The following HAS3 variants were observed in gnomAD, a reference collection of about 807,000 sequenced individuals.
HAS3 encodes hyaluronan synthase 3.
In HAS3, 27 loss-of-function variants were observed where a neutral mutation model predicts 50.3. The observed-to-expected ratio is 0.54, with a 90% CI of 0.40 to 0.74. HAS3 has a LOEUF of 0.74. HAS3 is among the 30% of genes least tolerant of loss of function. HAS3 has a pLI of 0.00. For synonymous variants in HAS3, 339 were observed against 310.9 expected, an observed-to-expected ratio of 1.09 and a Z score of -0.95; for missense variants, 517 against 742.8, an observed-to-expected ratio of 0.70 and a Z score of 3.53.
chr16:69,104,992 G>GTTTTTTTTTTT (rs565397720), upstream of HAS3, among the ~76,000 whole-genome samples: 66 of 81,978 alleles, frequency 8.1e-4, 11 homozygotes, highest in East Asian at 3.7e-3. Flanking sequence ...CTGTTTTTTG[G>GTTTTTTTTTTT]TTTTTTTTTT....
chr16:69,094,481 C>G, the HAS3 span, among the ~76,000 whole-genome samples: 1 of 152,070 alleles, frequency 6.6e-6, no homozygotes, highest in Non-Finnish European at 1.5e-5. Context: ...TTTCAGAGAC[C>G]TGAGGTTTTT....
At chr16:69,083,647 A>G in the HAS3 span, 12 of 1,561,068 alleles carry the variant, frequency 7.7e-6, no homozygotes, top group Non-Finnish European at 1.0e-5. Flanking sequence ...GAAGAAGATC[A>G]TGGTCCTGCC....
In HAS3 at chr16:69,115,018, A is replaced by G; in HGVS notation, c.1414A>G (p.Lys472Glu). Residue 472 changes from lysine to glutamate, a missense_variant, in exon 4 of 4, where the codon AAA (lysine) becomes GAA (glutamate). Lys to Glu is a moderately conservative substitution (Grantham distance 56). Transcript: ENST00000569188. ...NKSGWGTSGR[K>E]TIVVNFIGLI... ...ATCTGGCTGGGGCACCTCTGGCCGAAAAACCATTGTGGTGAACTTCATTGG... is the reference window on the plus strand; with the variant it reads ...ATCTGGCTGGGGCACCTCTGGCCGAGAAACCATTGTGGTGAACTTCATTGG... 1 of 1,614,182 alleles carries G rather than the reference A, an allele frequency of 6.2e-7. No homozygotes were observed. Among genetic ancestry groups the G allele is most frequent in the East Asian group, 2.2e-5 (1 of 44,876 alleles).
chr16:69,112,883 C>G (rs1457252259), intron 2 of HAS3, among the ~76,000 whole-genome samples: 5 of 152,178 alleles, frequency 3.3e-5, no homozygotes, highest in Non-Finnish European at 1.5e-5. Flanking sequence ...TGCCCTGGTC[C>G]GAGAGGCTCG....
upstream of HAS3, among the ~76,000 whole-genome samples, chr16:69,105,384 C>T (rs2152253572): frequency 6.6e-6 from 1 of 152,060 alleles, no homozygotes; most frequent in South Asian, 2.1e-4. Flanking sequence ...TCACTTTACT[C>T]GAGTCTAGCA....
chr16:69,110,002 G>A lies in HAS3; in HGVS notation c.607G>A (p.Ala203Thr), dbSNP rs1960943535. The change falls in exon 2 of 4, where the codon GCC becomes ACC. Residue 203 changes from alanine to threonine, a missense_variant. Ala to Thr is a moderately conservative substitution (Grantham distance 58). Coordinates refer to ENST00000569188, the MANE Select transcript of HAS3 (RefSeq NM_001199280.2). The part of the protein sequence containing the change: ...KREVMYTAFK[A>T]LGDSVDYIQV... ...CGAGGTCATGTACACGGCCTTCAAG[G>A]CCCTCGGCGATTCGGTGGACTACAT... is the stretch of plus-strand genomic sequence containing the variant. 1 of 1,609,352 alleles carries A rather than the reference G, an allele frequency of 6.2e-7. No individual in the cohort carries two copies. The highest frequency in any genetic ancestry group is 1.3e-5 in the African/African-American group (1 of 74,852).
At chr16:69,110,100 A>G in intron 2 of HAS3, 69 bp downstream of exon 2, 1 of 1,460,174 alleles carries the variant, frequency 6.8e-7, no homozygotes, top group South Asian at 1.3e-5. Flanking sequence ...ACTCTCCGCC[A>G]AGAATCTGAG....
At chr16:69,093,692 G>A in the HAS3 span, among the ~76,000 whole-genome samples, 43 of 151,192 alleles carry the variant, frequency 2.8e-4, no homozygotes, top group Admixed American at 2.4e-3. Context: ...CACCACACCC[G>A]GCTAATTTTG....
intron 2 of HAS3, among the ~76,000 whole-genome samples, chr16:69,111,565 T>C (rs1039103882): frequency 1.3e-5 from 2 of 152,250 alleles, no homozygotes; most frequent in African/African-American, 4.8e-5. Flanking sequence ...GATTTTTCTC[T>C]GGTGTACACA....
rs568459345 is a variant in HAS3, at chr16:69,112,047, C to T, written c.637-1394C>T. 3.3e-4 allele frequency among the ~76,000 whole-genome samples: 50 copies of T among 152,358 alleles called. 1 individual carries two copies. In the South Asian group the frequency reaches 0.01, roughly 31 times the overall value. On this transcript the variant is annotated intron_variant, in intron 2 of 3. Coordinates refer to ENST00000569188, the MANE Select transcript of HAS3 (RefSeq NM_001199280.2). ...TTCTAACCGCCTGCTGCGGAGGTAT[C>T]TCTCCCTCCTAGGCAGAACTCTGCC...
At chr16:69,110,759 C>A (rs1960973873) in intron 2 of HAS3, among the ~76,000 whole-genome samples, 1 of 152,174 alleles carries the variant, frequency 6.6e-6, no homozygotes, top group Non-Finnish European at 1.5e-5. Context: ...TCTTCTCTTA[C>A]CTGTGATGCA....
At chr16:69,083,573 A>G in the HAS3 span, 1 of 1,606,816 alleles carries the variant, frequency 6.2e-7, no homozygotes, top group South Asian at 1.1e-5. Context: ...CTCCATGCCC[A>G]GTTGGCCCTA....
Position 69,113,483 on chromosome 16 carries a change from G to T in HAS3, c.679G>T (p.Glu227Ter). The change falls in exon 3 of 4, where the codon GAG (glutamate) becomes TAG (stop). Residue 227 changes from glutamate (E) to a stop codon, truncating the protein, a stop_gained. Transcript: ENST00000569188. LOFTEE classifies it high-confidence loss of function. ...DTVLDPACTIEMLRVLEEDPQ... is the reference protein window; with the variant it reads ...DTVLDPACTI Reference sequence around the variant, plus strand: ...TGTGCTGGATCCAGCCTGCACCATCGAGATGCTTCGAGTCCTGGAGGAGGA... The same window carrying T: ...TGTGCTGGATCCAGCCTGCACCATCTAGATGCTTCGAGTCCTGGAGGAGGA... The T allele has an allele frequency of 6.2e-7, 1 of 1,613,834 alleles. No homozygotes were observed. The highest frequency in any genetic ancestry group is 8.5e-7 in the Non-Finnish European group (1 of 1,179,846).
the HAS3 span, among the ~76,000 whole-genome samples, chr16:69,086,169 A>AT: frequency 4.0e-5 from 6 of 148,396 alleles, no homozygotes; most frequent in Admixed American, 1.3e-4. Context: ...TGCCTGGCCA[A>AT]TTTTTTTTTC....
chr16:69,115,972 A>G lies in HAS3; in HGVS notation c.*706A>G. The G allele has an allele frequency of 1.0e-6, 1 of 985,890 alleles. No individual in the cohort carries two copies. The highest frequency in any genetic ancestry group is 1.2e-6 in the Non-Finnish European group (1 of 829,944). The allele number at this position is 985,890 out of a possible 1,614,324, so 61.1% of individuals were successfully genotyped here. A position where few individuals can be genotyped will look rare whatever the true frequency, so the allele number is the denominator to read the frequency against. On this transcript the variant is annotated 3_prime_UTR_variant, in exon 4 of 4. Transcript: ENST00000569188. Reference sequence around the variant, plus strand: ...AACAAAGAGATTGTGGTGGTGCTAAAGGAGGCCATAAGCTACACAGAGGCC... The same window carrying G: ...AACAAAGAGATTGTGGTGGTGCTAAGGGAGGCCATAAGCTACACAGAGGCC...
upstream of HAS3, among the ~76,000 whole-genome samples, chr16:69,101,930 G>A (rs970395145): frequency 3.3e-5 from 5 of 152,064 alleles, no homozygotes; most frequent in East Asian, 1.9e-4. Context: ...GATTACAGGC[G>A]CAAGCTGCCA....
chr16:69,101,824 G>A (rs541215461), upstream of HAS3, among the ~76,000 whole-genome samples: 319 of 146,864 alleles, frequency 2.2e-3, no homozygotes, highest in Non-Finnish European at 3.8e-3. Flanking sequence ...TCGCCCTGTC[G>A]CCCAGGCTCG....
upstream of HAS3, among the ~76,000 whole-genome samples, chr16:69,104,878 AGAG>A (rs1297264482): frequency 6.6e-6 from 1 of 151,286 alleles, no homozygotes; most frequent in Admixed American, 6.6e-5. Context: ...AAAACTTGCG[AGAG>A]GAGAAGTTTA....
Position 69,109,923 on chromosome 16 carries a change from T to G in HAS3, c.528T>G (p.Asp176Glu). The G allele has an allele frequency of 2.5e-6, 4 of 1,614,054 alleles. No homozygotes were observed. Among genetic ancestry groups the G allele is most frequent in the Non-Finnish European group, 3.4e-6 (4 of 1,179,996 alleles). Residue 176 changes from aspartate to glutamate, a missense_variant, in exon 2 of 4, where the codon GAT (aspartate) becomes GAG (glutamate). Coordinates refer to ENST00000569188, the MANE Select transcript of HAS3 (RefSeq NM_001199280.2). The surrounding 1 kb of genome is among the most constrained non-coding windows in gnomAD (Gnocchi z 5.3). ...SLQEGMDRVR[D>E]VVRASTFSCI... is the part of the protein sequence containing the mutation. Reference sequence around the variant, plus strand: ...AGGAGGGCATGGACCGTGTGCGGGATGTGGTGCGGGCCAGCACCTTCTCGT... The same window carrying G: ...AGGAGGGCATGGACCGTGTGCGGGAGGTGGTGCGGGCCAGCACCTTCTCGT...
Sources: gnomAD v4.1 joint callset for allele counts (sites outside exome capture counted in the v4.1 genomes callset) on GRCh38, gnomAD v4.1.1 for gene constraint, Gnocchi (gnomAD v3.1) non-coding constraint, MANE v1.5 for transcripts, NCBI Gene and HGNC (gene_info 2026-07-23, HGNC 2026-07-21) for gene names.